The following CYTH2 variants were observed in gnomAD, a reference collection of about 807,000 sequenced individuals.
CYTH2 encodes cytohesin 2.
Under a neutral mutation model 55.4 loss-of-function variants are expected in CYTH2, and 24 were observed. The ratio of observed to expected loss-of-function variants is 0.43; its 90% confidence interval spans 0.31 to 0.61. CYTH2 has a LOEUF of 0.61. Among genes scored for constraint, CYTH2 ranks in the 20% least tolerant of loss-of-function variants. The probability of loss-of-function intolerance (pLI) is 0.08; values close to 1 mark genes in which losing one functional copy is unlikely to be tolerated. For synonymous variants in CYTH2, 221 were observed against 209.6 expected, an observed-to-expected ratio of 1.05 and a Z score of -0.47; for missense variants, 378 against 533.5, an observed-to-expected ratio of 0.71 and a Z score of 2.87.
At chr19:48,470,802 C>T (rs1971777888) in intron 3 of CYTH2, 133 bp downstream of exon 3, 1 of 899,416 alleles carries the variant, frequency 1.1e-6, no homozygotes, top group South Asian at 1.6e-5. Flanking sequence ...TCCCTGGATT[C>T]AGATACTGGC....
Position 48,474,800 on chromosome 19 carries a change from A to AG in CYTH2, c.697-33dup, listed in dbSNP as rs753135310. The stretch of plus-strand genomic sequence containing the variant: ...ACCCTGAGTAACCCTGGGGGGCCCC[A>AG]GGGGGCTCGAATGGCTAATGCAGCC... On this transcript the variant is annotated intron_variant, in intron 7 of 11. Coordinates refer to ENST00000452733, the MANE Select transcript of CYTH2 (RefSeq NM_004228.7). This position sits in a 1 kb window ranked among gnomAD's most constrained non-coding sequence, Gnocchi z 4.9. The AG allele has an allele frequency of 6.2e-6, 10 of 1,606,952 alleles. No individual in the cohort carries two copies. Among genetic ancestry groups the AG allele is most frequent in the Non-Finnish European group, 7.7e-6 (9 of 1,174,700 alleles).
rs35979886 is a variant in CYTH2, at chr19:48,481,491, GTT to G, written c.*2291_*2292del. 1.2e-5 allele frequency: 2 copies of G among 167,150 alleles called. No individual in the cohort carries two copies. The highest frequency in any genetic ancestry group is 1.2e-4 in the South Asian group (1 of 8,686). 10.4% of individuals were successfully genotyped at this position (167,150 alleles called of 1,614,324 possible). On this transcript the variant is annotated 3_prime_UTR_variant, in exon 12 of 12. Transcript: ENST00000452733. ...AGCACGCTTCTGATTTTTTTTGTAG[GTT>G]TTTTTTTTTGTTTTTTGTTTTGTTT...
Position 48,478,071 on chromosome 19 carries a change from G to T in CYTH2, c.811G>T (p.Gly271Cys), listed in dbSNP as rs1236427436. 1 of 1,614,026 alleles carries T rather than the reference G, an allele frequency of 6.2e-7. No individual in the cohort carries two copies. The highest frequency in any genetic ancestry group is 8.5e-7 in the Non-Finnish European group (1 of 1,179,936). The change falls in exon 9 of 12, where the codon GGC becomes TGC. Residue 271 changes from glycine to cysteine, a missense_variant and splice_region_variant. Gly to Cys is a radical substitution (Grantham distance 159, BLOSUM62 -3). Coordinates refer to ENST00000452733, the MANE Select transcript of CYTH2 (RefSeq NM_004228.7). ...DREGWLLKLG[G>C]RVKTWKRRWF... ...CCCTCCCACCCCTTCCCTTTCAGGG[G>T]GCCGGGTGAAGACGTGGAAGCGGCG...
At chr19:48,472,488 C>G (rs751523587) in intron 4 of CYTH2, 45 bp downstream of exon 4, 2 of 1,490,024 alleles carry the variant, frequency 1.3e-6, no homozygotes, top group Admixed American at 3.7e-5. Flanking sequence ...CCTCCCACCC[C>G]CCAGACCCAG....
intron 3 of CYTH2, among the ~76,000 whole-genome samples, chr19:48,471,442 G>A (rs1267543524): frequency 6.6e-6 from 1 of 152,130 alleles, no homozygotes; most frequent in African/African-American, 2.4e-5. Context: ...ATGAGCCACC[G>A]TGCCTGGCCT....
chr19:48,478,218 G>C, intron 9 of CYTH2, 57 bp from the exon 10 acceptor site: 1 of 1,612,748 alleles, frequency 6.2e-7, no homozygotes, highest in Non-Finnish European at 8.5e-7. Flanking sequence ...GGGGCTGAGG[G>C]AGGTGGGGTG....
chr19:48,479,220 C>G lies in CYTH2; in HGVS notation c.*10C>G. 2 of 1,613,840 alleles carry G rather than the reference C, an allele frequency of 1.2e-6. No individual in the cohort carries two copies. Among genetic ancestry groups the G allele is most frequent in the Non-Finnish European group, 1.7e-6 (2 of 1,179,844 alleles). On this transcript the variant is annotated 3_prime_UTR_variant, in exon 12 of 12. Coordinates refer to ENST00000452733, the MANE Select transcript of CYTH2 (RefSeq NM_004228.7). Reference sequence around the variant, plus strand: ...GCAGGAGCAGCCCTGACCCCCTGCCCCCAACTCCATTATTTATTACGGAGC... The same window carrying G: ...GCAGGAGCAGCCCTGACCCCCTGCCGCCAACTCCATTATTTATTACGGAGC...
chr19:48,469,561 G>T (rs1046787582), intron 1 of CYTH2, 35 bp downstream of exon 1: 2 of 1,318,418 alleles, frequency 1.5e-6, no homozygotes, highest in African/African-American at 3.1e-5. Flanking sequence ...GCTGGGAGTT[G>T]CTGGAGCGTT....
intron 3 of CYTH2, among the ~76,000 whole-genome samples, chr19:48,471,719 T>G (rs1242856692): frequency 6.6e-6 from 1 of 152,242 alleles, no homozygotes; most frequent in Non-Finnish European, 1.5e-5. Flanking sequence ...CACGTTATTC[T>G]TTCCTGAAGC....
chr19:48,478,511 G>A lies in CYTH2; in HGVS notation c.1031G>A (p.Arg344Gln), dbSNP rs561416077. 1.9e-6 allele frequency: 3 copies of A among 1,614,128 alleles called. No homozygotes were observed. Among genetic ancestry groups the A allele is most frequent in the African/African-American group, 1.3e-5 (1 of 75,060 alleles). ...GCCTGCAAAACTGAGGCGGACGGCC[G>A]AGTGGTGGAGGGAAACCACATGGTG... ...IKACKTEADG[R>Q]VVEGNHMVYR... The change falls in exon 11 of 12, where the codon CGA becomes CAA. Residue 344 changes from arginine (R) to glutamine (Q), a missense_variant. Transcript: ENST00000452733.
chr19:48,472,549 C>T, intron 4 of CYTH2, 106 bp downstream of exon 4: 1 of 910,632 alleles, frequency 1.1e-6, no homozygotes. Context: ...TGCAGCCTCC[C>T]CGCAGAGGGG....
intron 1 of CYTH2, chr19:48,469,741 T>TGGC: frequency 3.4e-6 from 2 of 590,164 alleles, no homozygotes; most frequent in Non-Finnish European, 5.2e-6. Context: ...CTGTTTCCGG[T>TGGC]GGCGGCGGGA....
At position 48,470,138 on chromosome 19, in the gene CYTH2, CG is replaced by C. The variant is rs959738398; in HGVS notation, c.20-212del. On this transcript the variant is annotated intron_variant, in intron 1 of 11. Transcript: ENST00000452733. ...CCCTTCTCCCTCAGACTCAGGAATC[CG>C]GGCCCCAATTCCCCTTGTCCCCCAG... 343 of 776,370 alleles carry C rather than the reference CG, an allele frequency of 4.4e-4. 3 individuals carry two copies. The highest frequency in any genetic ancestry group is 2.9e-3 in the South Asian group (200 of 68,804). The allele number at this position is 776,370 out of a possible 1,614,324, so 48.1% of individuals were successfully genotyped here.
At chr19:48,469,679 C>A in intron 1 of CYTH2, 153 bp downstream of exon 1, 1 of 1,220,606 alleles carries the variant, frequency 8.2e-7, no homozygotes, top group Non-Finnish European at 1.1e-6. Flanking sequence ...GCTGGACGGG[C>A]TTCCGGCGGG....
At chr19:48,470,028 C>G in intron 1 of CYTH2, 1 of 592,812 alleles carries the variant, frequency 1.7e-6, no homozygotes, top group Non-Finnish European at 3.3e-6. Flanking sequence ...AAACCAAGGC[C>G]TCAGTCCCCT....
At position 48,481,726 on chromosome 19, in the gene CYTH2, T is replaced by C. The variant is rs1331953709; in HGVS notation, c.*2516T>C. The stretch of plus-strand genomic sequence containing the variant: ...CGGGGTTTCACCATATTGGCCAAGC[T>C]GGTCTCGAACTCCTGACCTCAGGCG... On this transcript the variant is annotated 3_prime_UTR_variant, in exon 12 of 12. Transcript: ENST00000452733. 6.5e-6 allele frequency: 1 copy of C among 153,226 alleles called. No homozygotes were observed. The highest frequency in any genetic ancestry group is 2.4e-5 in the African/African-American group (1 of 41,410). The allele number at this position is 153,226 out of a possible 1,614,324, so 9.5% of individuals were successfully genotyped here.
intron 8 of CYTH2, chr19:48,475,982 G>A (rs758374261): frequency 1.9e-6 from 1 of 518,696 alleles, no homozygotes; most frequent in East Asian, 5.5e-5. Context: ...CCCACAGGAA[G>A]CTTTCAGCTC....
Position 48,469,458 on chromosome 19 carries a change from G to A in CYTH2, c.-50G>A, listed in dbSNP as rs1971736302. 3.0e-6 allele frequency: 4 copies of A among 1,320,036 alleles called. No homozygotes were observed. The highest frequency in any genetic ancestry group is 3.1e-5 in the African/African-American group (2 of 64,756). 81.8% of individuals were successfully genotyped at this position (1,320,036 alleles called of 1,614,324 possible). A position where few individuals can be genotyped will look rare whatever the true frequency, so the allele number is the denominator to read the frequency against. ...AGCCCGCGGGCCAACGCGGATCCAG[G>A]CCCGACTGGCGGGACCGCCCCGGAT... On this transcript the variant is annotated 5_prime_UTR_variant, in exon 1 of 12. Coordinates refer to ENST00000452733, the MANE Select transcript of CYTH2 (RefSeq NM_004228.7).
chr19:48,477,978 C>G, intron 8 of CYTH2, 91 bp from the exon 9 acceptor site: 1 of 1,046,610 alleles, frequency 9.6e-7, no homozygotes, highest in Non-Finnish European at 1.4e-6. Context: ...CCACCTCTAC[C>G]GCTCTTGCTC....
Sources: gnomAD v4.1 joint callset for allele counts (sites outside exome capture counted in the v4.1 genomes callset) on GRCh38, gnomAD v4.1.1 for gene constraint, Gnocchi (gnomAD v3.1) non-coding constraint, MANE v1.5 for transcripts, NCBI Gene and HGNC (gene_info 2026-07-23, HGNC 2026-07-21) for gene names.